PCDH9: variants seen among roughly 807,000 people sequenced by gnomAD.
The protein encoded by PCDH9 is protocadherin 9.
In PCDH9, 24 loss-of-function variants were observed where a neutral mutation model predicts 70.6. The ratio of observed to expected loss-of-function variants is 0.34; its 90% confidence interval spans 0.25 to 0.48. PCDH9 has a LOEUF of 0.48. PCDH9 is among the 20% of genes least tolerant of loss of function. The probability of loss-of-function intolerance (pLI) is 0.99; values close to 1 mark genes in which losing one functional copy is unlikely to be tolerated. For synonymous variants in PCDH9, 562 were observed against 558.5 expected, an observed-to-expected ratio of 1.01 and a Z score of -0.09; for missense variants, 1,281 against 1,503.6, an observed-to-expected ratio of 0.85 and a Z score of 2.45.
At chr13:67,050,442 C>T (rs1367816560) in intron 2 of PCDH9, among the ~76,000 whole-genome samples, 1 of 152,148 alleles carries the variant, frequency 6.6e-6, no homozygotes, top group African/African-American at 2.4e-5. Flanking sequence ...TTAATGTGAT[C>T]TCCACCAGGT....
rs144299139 is a variant in PCDH9, at chr13:66,623,090, A to G, written c.3340+8120T>C. On this transcript the variant is annotated intron_variant, in intron 4 of 4. Coordinates refer to ENST00000377865, the MANE Select transcript of PCDH9 (RefSeq NM_203487.3). ...CTCCGAACACATCCGAACATCAGAA[A>G]GAACAAACTCCAGACACGCCGCCTT... Among the ~76,000 whole-genome samples the G allele has an allele frequency of 4.2e-3, 634 of 152,330 alleles. 19 individuals are homozygous for G. In the East Asian group the frequency reaches 0.08, roughly 19 times the overall value.
rs1955425181 is a variant in PCDH9, at chr13:66,304,380, T to C, written c.*275A>G. 2 of 321,234 alleles carry C rather than the reference T, an allele frequency of 6.2e-6. No homozygotes were observed. Among genetic ancestry groups the C allele is most frequent in the Non-Finnish European group, 1.2e-5 (2 of 173,316 alleles). 19.9% of individuals were successfully genotyped at this position (321,234 alleles called of 1,614,324 possible). A position where few individuals can be genotyped will look rare whatever the true frequency, so the allele number is the denominator to read the frequency against. On this transcript the variant is annotated 3_prime_UTR_variant, in exon 5 of 5. Transcript: ENST00000377865. ...CATATTCTATTGTTCATAGCAGCAG[T>C]CCAGGGTCAAAATAAAATGCAATAA...
In PCDH9 at chr13:67,213,206, C is replaced by CAAAAAAAAAAAAAAAAAAAAAAAAAAAA. The variant is rs34813503; in HGVS notation, c.3036+12171_3036+12198dup. ...AGCCTGGACGACAGAGACTCCGTCA[C>CAAAAAAAAAAAAAAAAAAAAAAAAAAAA]AAAAAAAAAAAAAAAAAAAAAAAAA... On this transcript the variant is annotated intron_variant, in intron 2 of 4. Transcript: ENST00000377865. 6 of 20,544 alleles carry CAAAAAAAAAAAAAAAAAAAAAAAAAAAA rather than the reference C, an allele frequency of 2.9e-4. 1 individual carries two copies. Among genetic ancestry groups the CAAAAAAAAAAAAAAAAAAAAAAAAAAAA allele is most frequent in the African/African-American group, 3.4e-4 (2 of 5,886 alleles). The allele number at this position is 20,544 out of a possible 1,614,324, so 1.3% of individuals were successfully genotyped here.
chr13:66,898,485 CAAGAACACCTATTCTAAGG>C (rs2082221297), intron 3 of PCDH9, among the ~76,000 whole-genome samples: 1 of 151,906 alleles, frequency 6.6e-6, no homozygotes, highest in Admixed American at 6.6e-5. Flanking sequence ...CTGATATCAA[CAAGAACACCTATTCTAAGG>C]ACTGAACATA....
intron 2 of PCDH9, among the ~76,000 whole-genome samples, chr13:67,186,000 G>A (rs2088749943): frequency 1.3e-5 from 2 of 152,086 alleles, no homozygotes; most frequent in African/African-American, 4.8e-5. Flanking sequence ...CCAAAGTCCT[G>A]GCATTACAGG....
chr13:66,402,935 A>T (rs1253096486), intron 4 of PCDH9, among the ~76,000 whole-genome samples: 1 of 152,210 alleles, frequency 6.6e-6, no homozygotes, highest in Non-Finnish European at 1.5e-5. Context: ...CTAAAAACAT[A>T]CTACTACTAA....
At chr13:67,030,266 C>A (rs2084876803) in intron 2 of PCDH9, among the ~76,000 whole-genome samples, 1 of 152,052 alleles carries the variant, frequency 6.6e-6, no homozygotes, top group Non-Finnish European at 1.5e-5. Flanking sequence ...ATTGTTCTAG[C>A]AATTCAGAAT....
intron 2 of PCDH9, among the ~76,000 whole-genome samples, chr13:67,152,177 T>C (rs1470371808): frequency 6.6e-6 from 1 of 152,198 alleles, no homozygotes; most frequent in Non-Finnish European, 1.5e-5. Flanking sequence ...GAACATTCCA[T>C]ACACCCAGAA....
At chr13:67,144,231 A>G (rs1183505896) in intron 2 of PCDH9, among the ~76,000 whole-genome samples, 2 of 152,176 alleles carry the variant, frequency 1.3e-5, no homozygotes, top group African/African-American at 4.8e-5. Context: ...CTTATTTGCC[A>G]GGGAATAATT....
chr13:66,896,186 G>A (rs1051494884), intron 3 of PCDH9, among the ~76,000 whole-genome samples: 1 of 152,108 alleles, frequency 6.6e-6, no homozygotes, highest in East Asian at 1.9e-4. Context: ...AATCTTTATA[G>A]AGTGTTAAGT....
chr13:66,594,443 TTAAGG>T (rs2077076755), intron 4 of PCDH9, among the ~76,000 whole-genome samples: 1 of 151,452 alleles, frequency 6.6e-6, no homozygotes, highest in African/African-American at 2.4e-5. Flanking sequence ...ATAGCCAAAA[TTAAGG>T]TAACATCAGG....
At chr13:67,005,835 G>C (rs1384415027) in intron 2 of PCDH9, among the ~76,000 whole-genome samples, 2 of 152,144 alleles carry the variant, frequency 1.3e-5, no homozygotes, top group African/African-American at 2.4e-5. Context: ...TAGGTATTTA[G>C]TCCTGCCCTA....
At chr13:67,068,219 T>C (rs1426041017) in intron 2 of PCDH9, among the ~76,000 whole-genome samples, 1 of 151,830 alleles carries the variant, frequency 6.6e-6, no homozygotes, top group African/African-American at 2.4e-5. Flanking sequence ...ATGGAGTCTA[T>C]AAAATATGGT....
chr13:66,404,236 CTTGT>C (rs1957240461), intron 4 of PCDH9, among the ~76,000 whole-genome samples: 1 of 152,132 alleles, frequency 6.6e-6, no homozygotes, highest in South Asian at 2.1e-4. Flanking sequence ...AATACTGATG[CTTGT>C]TTATGTGTAA....
At chr13:66,997,627 C>T (rs935754700) in intron 2 of PCDH9, among the ~76,000 whole-genome samples, 4 of 152,284 alleles carry the variant, frequency 2.6e-5, no homozygotes, top group Non-Finnish European at 2.9e-5. Flanking sequence ...CTCCGCCTCC[C>T]GGCTTCAAGC....
intron 4 of PCDH9, among the ~76,000 whole-genome samples, chr13:66,359,752 C>T (rs1475729806): frequency 6.6e-6 from 1 of 152,008 alleles, no homozygotes; most frequent in African/African-American, 2.4e-5. Context: ...TAAATGGAAA[C>T]AAAGGGCCGT....
intron 2 of PCDH9, among the ~76,000 whole-genome samples, chr13:66,993,735 T>C (rs1416009530): frequency 6.6e-6 from 1 of 152,216 alleles, no homozygotes; most frequent in Non-Finnish European, 1.5e-5. Flanking sequence ...AATCATTTTT[T>C]AAAATTACGT....
At chr13:67,085,623 C>G (rs2086091599) in intron 2 of PCDH9, among the ~76,000 whole-genome samples, 1 of 152,160 alleles carries the variant, frequency 6.6e-6, no homozygotes, top group Non-Finnish European at 1.5e-5. Context: ...CAAGATTTCT[C>G]AAACAGAGAG....
chr13:66,656,293 GCCCTGTCCAT>G (rs1288854862), intron 3 of PCDH9, among the ~76,000 whole-genome samples: 2 of 152,142 alleles, frequency 1.3e-5, no homozygotes, highest in Non-Finnish European at 2.9e-5. Context: ...GCATTGAGGA[GCCCTGTCCAT>G]CCCAACATTA....
Sources: allele counts gnomAD v4.1 joint callset (sites outside exome capture counted in the v4.1 genomes callset), GRCh38; gene constraint gnomAD v4.1.1; transcripts MANE v1.5; gene names NCBI Gene and HGNC (gene_info 2026-07-23, HGNC 2026-07-21).